SFRP1: variants seen among roughly 807,000 people sequenced by gnomAD.
SFRP1 encodes the protein secreted frizzled-related protein 1.
A neutral mutation model predicts 25.9 loss-of-function variants in SFRP1; 9 were observed. That is an observed-to-expected ratio of 0.35 (90% CI 0.21 to 0.61). The LOEUF is 0.61. Ranked by LOEUF, SFRP1 falls within the 20% of genes least tolerant of loss-of-function variation. SFRP1 has a pLI of 0.78. For synonymous variants in SFRP1, 178 were observed against 174.0 expected (o/e 1.02, Z -0.18); for missense variants, 346 against 418.2 (o/e 0.83, Z 1.51).
At chr8:41,299,662 CA>C (rs61141419) in intron 2 of SFRP1, among the ~76,000 whole-genome samples, 695 of 66,362 alleles carry the variant, frequency 0.01, 2 homozygotes, top group East Asian at 0.032. Flanking sequence ...GACTTAGTCT[CA>C]AAAAAAAAAA....
intron 2 of SFRP1, among the ~76,000 whole-genome samples, chr8:41,297,367 C>T (rs1406802609): frequency 6.6e-6 from 1 of 152,058 alleles, no homozygotes; most frequent in African/African-American, 2.4e-5. Flanking sequence ...AAAGGTCTTC[C>T]AAATGGGTTT....
intron 2 of SFRP1, among the ~76,000 whole-genome samples, chr8:41,286,322 T>G (rs1368896353): frequency 6.6e-6 from 1 of 152,262 alleles, no homozygotes; most frequent in African/African-American, 2.4e-5. Flanking sequence ...ATTCTACTCC[T>G]GTTCCGAGGC....
chr8:41,294,747 C>T (rs989475943), intron 2 of SFRP1, among the ~76,000 whole-genome samples: 2 of 152,164 alleles, frequency 1.3e-5, no homozygotes, highest in African/African-American at 4.8e-5. Flanking sequence ...CAGACCAACA[C>T]CTTTTACATT....
chr8:41,281,721 G>A (rs953113212), intron 2 of SFRP1, among the ~76,000 whole-genome samples: 2 of 152,196 alleles, frequency 1.3e-5, no homozygotes, highest in South Asian at 4.1e-4. Flanking sequence ...GTAACCTGAG[G>A]AGCTGCAATG....
intron 2 of SFRP1, among the ~76,000 whole-genome samples, chr8:41,285,975 C>T (rs894782994): frequency 3.4e-5 from 5 of 146,738 alleles, no homozygotes; most frequent in Non-Finnish European, 7.4e-5. Flanking sequence ...GAGGAACAGG[C>T]AACGTTTCCA....
Position 41,263,810 on chromosome 8 carries a change from G to C in SFRP1, c.*1357C>G, listed in dbSNP as rs1585501054. On this transcript the variant is annotated 3_prime_UTR_variant, in exon 3 of 3. Transcript: ENST00000220772. ...TTTTGCTTTTGAAACTCTCTCGCTG[G>C]ATGGGGACACCCCACCCATGTCAAC... The C allele has an allele frequency of 6.6e-6, 1 of 152,332 alleles. No homozygotes were observed. The highest frequency in any genetic ancestry group is 2.1e-4 in the South Asian group (1 of 4,826). The allele number at this position is 152,332 out of a possible 1,614,324, so 9.4% of individuals were successfully genotyped here.
At chr8:41,278,918 G>A (rs571150667) in intron 2 of SFRP1, among the ~76,000 whole-genome samples, 70 of 152,150 alleles carry the variant, frequency 4.6e-4, no homozygotes, top group African/African-American at 1.6e-3. Context: ...TCATGTTCTC[G>A]GTTTGTCCTC....
intron 2 of SFRP1, 81 bp from the exon 3 acceptor site, chr8:41,265,570 A>C: frequency 1.1e-6 from 1 of 917,724 alleles, no homozygotes; most frequent in Non-Finnish European, 1.6e-6. Flanking sequence ...TTTGATCCTC[A>C]AAGTGATTGC....
At chr8:41,265,993 C>T (rs542857310) in intron 2 of SFRP1, among the ~76,000 whole-genome samples, 1 of 152,166 alleles carries the variant, frequency 6.6e-6, no homozygotes, top group East Asian at 1.9e-4. Context: ...TGGTGAAACC[C>T]CATCTCTACT....
intron 2 of SFRP1, among the ~76,000 whole-genome samples, chr8:41,294,316 T>A (rs1803813847): frequency 1.3e-5 from 2 of 152,106 alleles, no homozygotes; most frequent in Admixed American, 6.6e-5. Context: ...CAAAGCTGAA[T>A]GCATCCATTG....
At chr8:41,285,542 T>C (rs1023239274) in intron 2 of SFRP1, among the ~76,000 whole-genome samples, 4 of 112,884 alleles carry the variant, frequency 3.5e-5, no homozygotes, top group African/African-American at 1.8e-4. Context: ...ATCAGATAAG[T>C]CGTTTCCTAA....
Position 41,264,539 on chromosome 8 carries a change from G to A in SFRP1, c.*628C>T, listed in dbSNP as rs181272180. The A allele has an allele frequency of 1.2e-4, 18 of 152,314 alleles. No homozygotes were observed. In the East Asian group the frequency reaches 3.3e-3, roughly 28 times the overall value. 9.4% of individuals were successfully genotyped at this position (152,314 alleles called of 1,614,324 possible). A position where few individuals can be genotyped will look rare whatever the true frequency, so the allele number is the denominator to read the frequency against. The stretch of plus-strand genomic sequence containing the variant: ...GATTCAGATTCAAAGACAATCACAC[G>A]GAAAGACTGTGGGCAGAGAAGGCAA... On this transcript the variant is annotated 3_prime_UTR_variant, in exon 3 of 3. Transcript: ENST00000220772.
chr8:41,270,348 T>TATCA (rs1386678333), intron 2 of SFRP1, among the ~76,000 whole-genome samples: 2 of 152,042 alleles, frequency 1.3e-5, no homozygotes, highest in African/African-American at 2.4e-5. Flanking sequence ...AAAAAGAACA[T>TATCA]ATCAACATTT....
intron 2 of SFRP1, among the ~76,000 whole-genome samples, chr8:41,284,533 G>C (rs1803675057): frequency 6.6e-6 from 1 of 152,198 alleles, no homozygotes; most frequent in Non-Finnish European, 1.5e-5. Flanking sequence ...CCACTCAGGA[G>C]ATGCTGGGCT....
rs550025520 is a variant in SFRP1, at chr8:41,262,204, C to T, written c.*2963G>A. On this transcript the variant is annotated 3_prime_UTR_variant, in exon 3 of 3. Coordinates refer to ENST00000220772, the MANE Select transcript of SFRP1 (RefSeq NM_003012.5). ...TACTACAGGAAGAAACTAGAGGAAA[C>T]GGGAATTTCATCCATGTCCTGTGTA... 1.2e-4 allele frequency: 18 copies of T among 152,360 alleles called. No homozygotes were observed. The highest frequency in any genetic ancestry group is 5.8e-4 in the East Asian group (3 of 5,188). 9.4% of individuals were successfully genotyped at this position (152,360 alleles called of 1,614,324 possible).
intron 1 of SFRP1, among the ~76,000 whole-genome samples, chr8:41,304,267 G>A (rs780101334): frequency 6.6e-6 from 1 of 152,160 alleles, no homozygotes; most frequent in African/African-American, 2.4e-5. Flanking sequence ...TGCCTGGGAG[G>A]AGATGTCTGA....
intron 1 of SFRP1, chr8:41,306,960 G>A: frequency 6.6e-7 from 1 of 1,505,634 alleles, no homozygotes; most frequent in African/African-American, 1.4e-5. Flanking sequence ...CTTTTCCGCA[G>A]CCGAGCCCCC....
At chr8:41,290,739 C>T (rs558582956) in intron 2 of SFRP1, among the ~76,000 whole-genome samples, 11 of 152,154 alleles carry the variant, frequency 7.2e-5, no homozygotes, top group Admixed American at 4.6e-4. Context: ...TCATACGGGA[C>T]GCGGCTCCAG....
Position 41,262,423 on chromosome 8 carries a change from A to C in SFRP1, c.*2744T>G, listed in dbSNP as rs941703332. On this transcript the variant is annotated 3_prime_UTR_variant, in exon 3 of 3. Coordinates refer to ENST00000220772, the MANE Select transcript of SFRP1 (RefSeq NM_003012.5). ...TACTGTAATTTACACATCCAAATGC[A>C]AACTGGAGCTCTGATTGAATTCTAC... is the stretch of plus-strand genomic sequence containing the variant. The C allele has an allele frequency of 6.6e-6, 1 of 152,230 alleles. No individual in the cohort carries two copies. The highest frequency in any genetic ancestry group is 2.4e-5 in the African/African-American group (1 of 41,456). The allele number at this position is 152,230 out of a possible 1,614,324, so 9.4% of individuals were successfully genotyped here. A position where few individuals can be genotyped will look rare whatever the true frequency, so the allele number is the denominator to read the frequency against.
Sources: allele counts gnomAD v4.1 joint callset (sites outside exome capture counted in the v4.1 genomes callset), GRCh38; gene constraint gnomAD v4.1.1; transcripts MANE v1.5; gene names NCBI Gene and HGNC (gene_info 2026-07-23, HGNC 2026-07-21).